Variants in KDM6A observed in about 807,000 individuals in gnomAD.
KDM6A encodes lysine-specific demethylase 6A.
A neutral mutation model predicts 117.6 loss-of-function variants in KDM6A; 11 were observed. The observed-to-expected ratio is 0.09, with a 90% CI of 0.06 to 0.15. The LOEUF (loss-of-function observed/expected upper bound fraction) is 0.15. Ranked by LOEUF, KDM6A falls within the 10% of genes least tolerant of loss-of-function variation. KDM6A has a pLI of 1.00. For synonymous variants in KDM6A, 384 were observed against 396.1 expected (o/e 0.97, Z 0.36); for missense variants, 799 against 1,077.3 (o/e 0.74, Z 3.62).
intron 2 of KDM6A, among the ~76,000 whole-genome samples, chrX:44,937,519 T>G (rs1165395676): frequency 9.0e-6 from 1 of 111,689 alleles, no homozygotes; most frequent in Non-Finnish European, 1.9e-5. Flanking sequence ...CAGTGACCTT[T>G]GATGTTACTG....
intron 7 of KDM6A, among the ~76,000 whole-genome samples, chrX:45,036,500 T>A (rs2042819372): frequency 8.9e-6 from 1 of 112,156 alleles, no homozygotes; most frequent in Non-Finnish European, 1.9e-5. Flanking sequence ...GATTAGGGTG[T>A]TTGTAGAATA....
chrX:44,914,299 C>A (rs1402527434), intron 2 of KDM6A, among the ~76,000 whole-genome samples: 2 of 112,029 alleles, frequency 1.8e-5, no homozygotes, highest in East Asian at 2.8e-4. Context: ...TTTGTACTTA[C>A]CTCATAGGTT....
intron 2 of KDM6A, among the ~76,000 whole-genome samples, chrX:44,893,892 A>G (rs930084684): frequency 9.0e-6 from 1 of 111,538 alleles, no homozygotes; most frequent in African/African-American, 3.3e-5. Context: ...TTCTGGATCA[A>G]CTGATGTGAT....
At chrX:44,898,647 T>C (rs1005048558) in intron 2 of KDM6A, among the ~76,000 whole-genome samples, 1 of 111,482 alleles carries the variant, frequency 9.0e-6, no homozygotes, top group Non-Finnish European at 1.9e-5. Context: ...TAGACCCCAC[T>C]GACACTATCT....
At chrX:45,099,978 G>C (rs2046275685) in intron 27 of KDM6A, among the ~76,000 whole-genome samples, 1 of 109,191 alleles carries the variant, frequency 9.2e-6, no homozygotes, top group African/African-American at 3.3e-5. Flanking sequence ...AGGTTGCAGT[G>C]AGCCGAGATT....
rs762049371 is a variant in KDM6A at position 45,090,893 on chromosome X, C to T, written c.4034+29C>T. 1.7e-5 allele frequency: 20 copies of T among 1,200,894 alleles called. No homozygotes were observed. In the South Asian group the frequency reaches 3.4e-4, roughly 20 times the overall value. On this transcript the variant is annotated intron_variant, in intron 27 of 29. Coordinates refer to ENST00000611820, the MANE Select transcript of KDM6A (RefSeq NM_001291415.2). ...AGTCTTTTCTAAAACTGCTGTAGTCCCTCTCTTTTTGGGGAGTGTTAACTA... is the reference window on the plus strand; with the variant it reads ...AGTCTTTTCTAAAACTGCTGTAGTCTCTCTCTTTTTGGGGAGTGTTAACTA...
At chrX:44,890,483 C>CCTACATTT (rs1291026042) in intron 2 of KDM6A, among the ~76,000 whole-genome samples, 1 of 110,685 alleles carries the variant, frequency 9.0e-6, no homozygotes, top group Admixed American at 9.7e-5. Flanking sequence ...AGCTGCTCTA[C>CCTACATTT]CTACATTTCT....
intron 2 of KDM6A, among the ~76,000 whole-genome samples, chrX:44,922,303 C>T (rs2036008346): frequency 1.8e-5 from 2 of 108,133 alleles, no homozygotes; most frequent in African/African-American, 6.7e-5. Context: ...ATCTACTTGC[C>T]TCAGCCTCCC....
At position 45,065,740 on chromosome X, in the gene KDM6A, A is replaced by G. The variant is rs185623734; in HGVS notation, c.2079+1923A>G. On this transcript the variant is annotated intron_variant, in intron 17 of 29. Coordinates refer to ENST00000611820, the MANE Select transcript of KDM6A (RefSeq NM_001291415.2). ...TCAGTGAGAACAGATTGAGAAAAGA[A>G]CTCAAGATTGAGCCTTAGGGCATTC... Among the ~76,000 whole-genome samples, 18 of 112,196 alleles carry G rather than the reference A, an allele frequency of 1.6e-4. No homozygotes were observed. The East Asian group carries it at 4.2e-3, about 26-fold the overall frequency.
chrX:44,984,353 T>C lies in KDM6A; in HGVS notation c.384+9638T>C, dbSNP rs1340630857. Among the ~76,000 whole-genome samples the C allele has an allele frequency of 3.0e-3, 333 of 111,451 alleles. 4 individuals are homozygous for C. In the South Asian group the frequency reaches 0.036, roughly 12 times the overall value. Reference sequence around the variant, plus strand: ...TAGATTGTAAAAATTTTCTCCCATTTTGTGGGTTGCCTGTTCACTCTGATG... The same window carrying C: ...TAGATTGTAAAAATTTTCTCCCATTCTGTGGGTTGCCTGTTCACTCTGATG... On this transcript the variant is annotated intron_variant, in intron 4 of 29. Coordinates refer to ENST00000611820, the MANE Select transcript of KDM6A (RefSeq NM_001291415.2).
intron 28 of KDM6A, among the ~76,000 whole-genome samples, chrX:45,109,464 A>ATT (rs1404610967): frequency 8.9e-6 from 1 of 112,046 alleles, no homozygotes; most frequent in Non-Finnish European, 1.9e-5. Context: ...CATTGAAGAA[A>ATT]TTTAAGGATA....
Position 45,069,635 on chromosome X carries a change from C to T in KDM6A, c.2136C>T (p.Leu712=), listed in dbSNP as rs748272813. The T allele has an allele frequency of 8.3e-7, 1 of 1,210,939 alleles. No homozygotes were observed. The highest frequency in any genetic ancestry group is 1.7e-5 in the African/African-American group (1 of 57,746). ...CAGGTCCTAATGGTGAACGACCTCT[C>T]TCTTCCACTGGGCCTTCCCAGCATC... is the stretch of plus-strand genomic sequence containing the variant. ...HSAGPNGERP[L]SSTGPSQHLQ... The change falls in exon 18 of 30, where the codon CTC becomes CTT. Residue 712 remains leucine (L), a synonymous_variant. Coordinates refer to ENST00000611820, the MANE Select transcript of KDM6A (RefSeq NM_001291415.2).
Position 45,003,190 on chromosome X carries a change from A to G in KDM6A, c.385-7771A>G, listed in dbSNP as rs748534170. ...CAATTTTCCTAATTCTGCTTGTACA[A>G]GAGTTGCCCTATCAATTACTGAATA... On this transcript the variant is annotated intron_variant, in intron 4 of 29. Coordinates refer to ENST00000611820, the MANE Select transcript of KDM6A (RefSeq NM_001291415.2). Among the ~76,000 whole-genome samples, 425 of 109,752 alleles carry G rather than the reference A, an allele frequency of 3.9e-3. 7 individuals are homozygous for G. The highest frequency in any genetic ancestry group is 0.014 in the African/African-American group (408 of 30,196).
At position 44,902,381 on chromosome X, in the gene KDM6A, T is replaced by C. The variant is rs921842530; in HGVS notation, c.225+28394T>C. Among the ~76,000 whole-genome samples the C allele has an allele frequency of 6.0e-4, 65 of 108,764 alleles. 1 individual carries two copies. The highest frequency in any genetic ancestry group is 2.3e-3 in the African/African-American group (65 of 28,552). 94.4% of individuals were successfully genotyped at this position (108,764 alleles called of 115,157 possible). ...CATCATCTGTTGTTTTTGTTCTGTA[T>C]TCTTCCATTTCTACCTTTTTTTTTT... On this transcript the variant is annotated intron_variant, in intron 2 of 29. Coordinates refer to ENST00000611820, the MANE Select transcript of KDM6A (RefSeq NM_001291415.2).
intron 2 of KDM6A, among the ~76,000 whole-genome samples, chrX:44,895,190 C>G (rs2033731083): frequency 9.2e-6 from 1 of 109,099 alleles, no homozygotes; most frequent in Non-Finnish European, 1.9e-5. Flanking sequence ...ATTGCAAACT[C>G]CGCCTCCTGG....
Position 44,961,321 on chromosome X carries a change from A to G in KDM6A, c.263A>G (p.Glu88Gly). The change falls in exon 3 of 30, where the codon GAA becomes GGA. Residue 88 changes from glutamate (E) to glycine (G), a missense_variant. Coordinates refer to ENST00000611820, the MANE Select transcript of KDM6A (RefSeq NM_001291415.2). Reference protein sequence around the residue: ...RCYESLILKAEGKVESDFFCQ... With the variant: ...RCYESLILKAGGKVESDFFCQ... The stretch of plus-strand genomic sequence containing the variant: ...TATGAATCTCTAATCTTAAAAGCTG[A>G]AGGAAAAGTGGAGTCTGATTTCTTT... 1 of 1,205,225 alleles carries G rather than the reference A, an allele frequency of 8.3e-7. No homozygotes were observed. The highest frequency in any genetic ancestry group is 1.1e-6 in the Non-Finnish European group (1 of 890,575).
At chrX:45,051,617 TA>T (rs2043855069) in intron 8 of KDM6A, 91 bp from the exon 9 acceptor site, 2 of 504,479 alleles carry the variant, frequency 4.0e-6, no homozygotes, top group Admixed American at 4.0e-5. Flanking sequence ...AAAAATATGC[TA>T]AAACATCAGT....
At chrX:44,875,099 G>C (rs1310979151) in intron 2 of KDM6A, among the ~76,000 whole-genome samples, 1 of 112,165 alleles carries the variant, frequency 8.9e-6, no homozygotes, top group African/African-American at 3.2e-5. Context: ...CTTCGTAATT[G>C]GGACCGTGAA....
intron 2 of KDM6A, among the ~76,000 whole-genome samples, chrX:44,950,338 G>GA (rs1163989581): frequency 1.8e-5 from 2 of 111,550 alleles, no homozygotes; most frequent in Admixed American, 9.5e-5. Context: ...TTTTCATATG[G>GA]AAAATCACAG....
Sources: allele counts gnomAD v4.1 joint callset (sites outside exome capture counted in the v4.1 genomes callset), GRCh38; gene constraint gnomAD v4.1.1; transcripts MANE v1.5; gene names NCBI Gene and HGNC (gene_info 2026-07-23, HGNC 2026-07-21).